Variants in EDA observed in about 807,000 individuals in gnomAD.
The protein encoded by EDA is ectodysplasin-A.
In EDA, 2 loss-of-function variants were observed where a neutral mutation model predicts 23.6. That is an observed-to-expected ratio of 0.08 (90% confidence interval 0.03 to 0.27). The LOEUF is 0.27. Ranked by LOEUF, EDA falls within the 10% of genes least tolerant of loss-of-function variation. EDA has a pLI of 1.00. For synonymous variants in EDA, 131 were observed against 132.0 expected (o/e 0.99, Z 0.05); for missense variants, 229 against 324.2 (o/e 0.71, Z 2.26).
chrX:69,800,466 A>G (rs2015656458), intron 1 of EDA, among the ~76,000 whole-genome samples: 1 of 111,391 alleles, frequency 9.0e-6, no homozygotes, highest in Non-Finnish European at 1.9e-5. Context: ...TTTACACACT[A>G]TGCATGTAAT....
At chrX:69,617,706 A>C (rs1405988989) in intron 1 of EDA, 1 of 347,783 alleles carries the variant, frequency 2.9e-6, no homozygotes, top group Admixed American at 2.8e-5. Context: ...GTGGCTAAAG[A>C]ATAATAATAA....
intron 5 of EDA, 117 bp from the exon 6 acceptor site, chrX:70,030,352 G>A (rs924753245): frequency 3.2e-6 from 2 of 632,694 alleles, no homozygotes; most frequent in African/African-American, 2.2e-5. Flanking sequence ...ACAGGGGAGA[G>A]GGATCAGAAT....
rs752026496 is a variant in EDA at position 69,760,288 on chromosome X, A to G, written c.396+143584A>G. 1.0e-4 allele frequency among the ~76,000 whole-genome samples: 11 copies of G among 109,183 alleles called. No individual in the cohort carries two copies. In the South Asian group the frequency reaches 2.8e-3, roughly 28 times the overall value. The allele number at this position is 109,183 out of a possible 115,157, so 94.8% of individuals were successfully genotyped here. ...TGACTTTATTAAATTTTTGGTTGGT[A>G]AAGTATTTTAAGAAAAGGTTAGCAG... On this transcript the variant is annotated intron_variant, in intron 1 of 7. Coordinates refer to ENST00000374552, the MANE Select transcript of EDA (RefSeq NM_001399.5).
In EDA at chrX:69,688,316, G is replaced by T. The variant is rs185979125; in HGVS notation, c.396+71612G>T. Reference sequence around the variant, plus strand: ...AACTTTCATAGAAGAGGTGATACTTGGACTGCCTTGCAATATGGAGGTGTA... The same window carrying T: ...AACTTTCATAGAAGAGGTGATACTTTGACTGCCTTGCAATATGGAGGTGTA... On this transcript the variant is annotated intron_variant, in intron 1 of 7. Transcript: ENST00000374552. Among the ~76,000 whole-genome samples the T allele has an allele frequency of 3.6e-5, 4 of 111,952 alleles. No individual in the cohort carries two copies. The Admixed American group carries it at 3.8e-4, about 11-fold the overall frequency.
chrX:69,790,498 A>C (rs1316437254), intron 1 of EDA, among the ~76,000 whole-genome samples: 3 of 111,938 alleles, frequency 2.7e-5, no homozygotes, highest in Non-Finnish European at 5.6e-5. Context: ...TGACCCACTC[A>C]GTGACTGAAA....
chrX:69,835,121 C>G (rs2016738509), intron 1 of EDA, among the ~76,000 whole-genome samples: 1 of 112,346 alleles, frequency 8.9e-6, no homozygotes, highest in Non-Finnish European at 1.9e-5. Flanking sequence ...GGTAACTCGA[C>G]CTTTCTCTCT....
intron 5 of EDA, among the ~76,000 whole-genome samples, 167 bp from the exon 6 acceptor site, chrX:70,030,302 T>C (rs1265402117): frequency 8.9e-6 from 1 of 111,929 alleles, no homozygotes; most frequent in African/African-American, 3.3e-5. Flanking sequence ...TACAAAATCA[T>C]ATTACCCTCT....
chrX:69,658,851 G>A (rs757804808), intron 1 of EDA, among the ~76,000 whole-genome samples: 8 of 111,362 alleles, frequency 7.2e-5, no homozygotes, highest in Admixed American at 4.8e-4. Flanking sequence ...CTTGCATTTC[G>A]CAGTCTGTAA....
chrX:69,815,799 C>G (rs1353728516), intron 1 of EDA, among the ~76,000 whole-genome samples: 1 of 112,522 alleles, frequency 8.9e-6, no homozygotes, highest in Non-Finnish European at 1.9e-5. Flanking sequence ...GGGGAAGGTC[C>G]CCCACAACAC....
At chrX:69,987,624 A>AC (rs1306777346) in intron 2 of EDA, among the ~76,000 whole-genome samples, 2 of 110,496 alleles carry the variant, frequency 1.8e-5, no homozygotes, top group African/African-American at 6.6e-5. Context: ...GTATCCAAAA[A>AC]AAAAGAGGTA....
At chrX:70,006,535 A>G (rs1274578437) in intron 2 of EDA, among the ~76,000 whole-genome samples, 1 of 111,888 alleles carries the variant, frequency 8.9e-6, no homozygotes, top group Non-Finnish European at 1.9e-5. Flanking sequence ...TGAGGTGTCT[A>G]TGCAAGTCTT....
chrX:69,803,891 CAT>C (rs1281621127), intron 1 of EDA, among the ~76,000 whole-genome samples: 1 of 110,537 alleles, frequency 9.0e-6, no homozygotes, highest in Non-Finnish European at 1.9e-5. Flanking sequence ...AAAGTTTCCA[CAT>C]ATGAGTGAGA....
intron 1 of EDA, among the ~76,000 whole-genome samples, chrX:69,621,318 T>C (rs1168797730): frequency 8.9e-6 from 1 of 112,209 alleles, no homozygotes; most frequent in Admixed American, 9.4e-5. Context: ...AGGACTTAGC[T>C]TTTCATTTCA....
In EDA at chrX:70,038,012, G is replaced by A. The variant is rs1602626995; in HGVS notation, c.*2403G>A. ...ATTACCCTACAGACAGCTTACAGGA[G>A]CCAGCCTGCTTCCCACAACTACTAG... On this transcript the variant is annotated 3_prime_UTR_variant, in exon 8 of 8. Transcript: ENST00000374552. The A allele has an allele frequency of 9.0e-6, 1 of 111,174 alleles. No individual in the cohort carries two copies. Among genetic ancestry groups the A allele is most frequent in the East Asian group, 2.8e-4 (1 of 3,509 alleles). The allele number at this position is 111,174 out of a possible 1,213,427, so 9.2% of individuals were successfully genotyped here.
At chrX:69,875,044 A>G (rs1268604633) in intron 1 of EDA, among the ~76,000 whole-genome samples, 1 of 112,207 alleles carries the variant, frequency 8.9e-6, no homozygotes, top group Non-Finnish European at 1.9e-5. Flanking sequence ...TAATATTACG[A>G]AAATAACCAT....
At chrX:69,690,357 G>A (rs912574237) in intron 1 of EDA, among the ~76,000 whole-genome samples, 3 of 111,174 alleles carry the variant, frequency 2.7e-5, no homozygotes, top group Middle Eastern at 4.2e-3. Context: ...TCATGAGAGA[G>A]GGTATTGAAT....
intron 1 of EDA, among the ~76,000 whole-genome samples, chrX:69,760,329 C>T (rs1324389592): frequency 9.1e-6 from 1 of 110,114 alleles, no homozygotes; most frequent in Non-Finnish European, 1.9e-5. Context: ...CTTCCCATTT[C>T]AGAGATGTTA....
chrX:70,020,333 G>A lies in EDA; in HGVS notation c.503-2885G>A, dbSNP rs528857133. Among the ~76,000 whole-genome samples the A allele has an allele frequency of 8.1e-5, 9 of 111,362 alleles. No homozygotes were observed. In the South Asian group the frequency reaches 3.4e-3, roughly 42 times the overall value. Reference sequence around the variant, plus strand: ...AGCACTTTGGGAGGCCGAGGCAGGCGGATCACGAGGTCAGGAGATAGAGAC... The same window carrying A: ...AGCACTTTGGGAGGCCGAGGCAGGCAGATCACGAGGTCAGGAGATAGAGAC... On this transcript the variant is annotated intron_variant, in intron 2 of 7. Coordinates refer to ENST00000374552, the MANE Select transcript of EDA (RefSeq NM_001399.5).
intron 1 of EDA, among the ~76,000 whole-genome samples, chrX:69,832,698 G>C (rs1307428933): frequency 9.0e-6 from 1 of 111,264 alleles, no homozygotes; most frequent in Non-Finnish European, 1.9e-5. Context: ...ATTTGTCTGT[G>C]TCCTCTTTTA....
Sources: gnomAD v4.1 joint callset for allele counts (sites outside exome capture counted in the v4.1 genomes callset) on GRCh38, gnomAD v4.1.1 for gene constraint, MANE v1.5 for transcripts, NCBI Gene and HGNC (gene_info 2026-07-23, HGNC 2026-07-21) for gene names.